The following ZFP36L1 variants were observed in gnomAD, a reference collection of about 807,000 sequenced individuals.
ZFP36L1 encodes mRNA decay activator protein ZFP36L1.
In ZFP36L1, 4 loss-of-function variants were observed where a neutral mutation model predicts 16.7. The ratio of observed to expected loss-of-function variants is 0.24; its 90% CI spans 0.12 to 0.55. ZFP36L1 has a LOEUF of 0.55. Ranked by LOEUF, ZFP36L1 falls within the 20% of genes least tolerant of loss-of-function variation. ZFP36L1 has a pLI of 0.94. For synonymous variants in ZFP36L1, 220 were observed against 190.8 expected (o/e 1.15, Z -1.26); for missense variants, 311 against 449.2 (o/e 0.69, Z 2.78).
chr14:68,792,831 A>C lies in ZFP36L1; in HGVS notation c.57+51T>G, dbSNP rs553341631. ...CCCAAACTTTTGGGGGTTCTTTCTT[A>C]AGGCAAAAGAAAAAGACTTTTTGAA... On this transcript the variant is annotated intron_variant, in intron 1 of 1. Transcript: ENST00000439696. The C allele has an allele frequency of 5.6e-6, 9 of 1,611,020 alleles. No individual in the cohort carries two copies. In the South Asian group the frequency reaches 6.6e-5, roughly 12 times the overall value.
upstream of ZFP36L1, chr14:68,793,139 T>G (rs1895151882): frequency 7.0e-7 from 1 of 1,420,610 alleles, no homozygotes; most frequent in Non-Finnish European, 9.2e-7. Flanking sequence ...AGCTTTAAAC[T>G]TATTTAAATG....
chr14:68,790,240 G>C lies in ZFP36L1; in HGVS notation c.310C>G (p.Gln104Glu). 1 of 1,612,082 alleles carries C rather than the reference G, an allele frequency of 6.2e-7. No individual in the cohort carries two copies. The highest frequency in any genetic ancestry group is 8.5e-7 in the Non-Finnish European group (1 of 1,179,874). Residue 104 changes from glutamine to glutamate, a missense_variant, in exon 2 of 2, where the codon CAG (glutamine) becomes GAG (glutamate). By Grantham distance (29) the Gln-to-Glu change is conservative. This residue lies in a region of ZFP36L1 where 137 missense variants were observed against 142.6 expected (regional missense o/e 0.96). Coordinates refer to ENST00000439696, the MANE Select transcript of ZFP36L1 (RefSeq NM_004926.4). ...GAGTTGACCTGGCCGCCCCCGGGCT[G>C]CTTCTGGGTGGGCAGCAGCCGCTCG... ...GGERLLPTQK[Q>E]PGGGQVNSSR...
In ZFP36L1 at chr14:68,792,865, G is replaced by T. The variant is rs767923504; in HGVS notation, c.57+17C>A. ...GAAAAAGACTTTTTGAAAAGCAAAT[G>T]CTCCGCCCCCCTTTACCTTGCATAA... On this transcript the variant is annotated intron_variant, in intron 1 of 1. Transcript: ENST00000439696. 6.2e-7 allele frequency: 1 copy of T among 1,614,054 alleles called. No individual in the cohort carries two copies. The highest frequency in any genetic ancestry group is 8.5e-7 in the Non-Finnish European group (1 of 1,179,950).
At chr14:68,793,218 G>C, upstream of ZFP36L1, 1 of 1,036,434 alleles carries the variant, frequency 9.6e-7, no homozygotes, top group Non-Finnish European at 1.2e-6. Context: ...GCGGGGAGGG[G>C]GGGCAGGGGG....
At chr14:68,791,356 G>A in intron 1 of ZFP36L1, 1 of 466,614 alleles carries the variant, frequency 2.1e-6, no homozygotes, top group Non-Finnish European at 3.8e-6. Flanking sequence ...CCACCTCCTA[G>A]TCAATAGCGG....
At chr14:68,791,199 C>G (rs1397484426) in intron 1 of ZFP36L1, 23 of 586,012 alleles carry the variant, frequency 3.9e-5, no homozygotes, top group Non-Finnish European at 5.2e-5. Flanking sequence ...TCCACTCAGC[C>G]CTAGCCCACC....
Position 68,790,277 on chromosome 14 carries a change from G to A in ZFP36L1, c.273C>T (p.Phe91=), listed in dbSNP as rs1323112240. Residue 91 remains phenylalanine (F), a synonymous_variant, in exon 2 of 2, where the codon TTC becomes TTT. Transcript: ENST00000439696. The part of the protein sequence containing the change: ...SRDSRFRDRS[F]SEGGERLLPT... ...GCAGCAGCCGCTCGCCCCCTTCCGA[G>A]AAGGAGCGGTCTCGGAAGCGGCTGT... 6.8e-6 allele frequency: 11 copies of A among 1,610,486 alleles called. No individual in the cohort carries two copies. Among genetic ancestry groups the A allele is most frequent in the East Asian group, 2.2e-5 (1 of 44,886 alleles).
chr14:68,792,812 CT>C, intron 1 of ZFP36L1, 69 bp downstream of exon 1: 1 of 1,596,040 alleles, frequency 6.3e-7, no homozygotes, highest in South Asian at 1.1e-5. Context: ...AAGACCCAAA[CT>C]TTTGGGGGTT....
upstream of ZFP36L1, chr14:68,795,697 CCG>C (rs987104757): frequency 1.0e-5 from 5 of 489,350 alleles, no homozygotes; most frequent in African/African-American, 9.9e-5. Flanking sequence ...CCGCTCGCTC[CCG>C]AGTTGTTTAC....
chr14:68,790,318 C>A lies in ZFP36L1; in HGVS notation c.232G>T (p.Ala78Ser). Residue 78 changes from alanine to serine, a missense_variant, in exon 2 of 2, where the codon GCT (alanine) becomes TCT (serine). By Grantham distance (99) the Ala-to-Ser change is moderately conservative (BLOSUM62 1). This residue lies in a region of ZFP36L1 where 137 missense variants were observed against 142.6 expected (regional missense o/e 0.96). Transcript: ENST00000439696. ...LSSLKGEPAP[A>S]LSSRDSRFRD... is the part of the protein sequence containing the mutation. Reference sequence around the variant, plus strand: ...AAGCGGCTGTCTCGCGAGCTCAGAGCGGGGGCTGGCTCACCCTTGAGGCTG... The same window carrying A: ...AAGCGGCTGTCTCGCGAGCTCAGAGAGGGGGCTGGCTCACCCTTGAGGCTG... 3 of 1,610,022 alleles carry A rather than the reference C, an allele frequency of 1.9e-6. No individual in the cohort carries two copies. Among genetic ancestry groups the A allele is most frequent in the Non-Finnish European group, 1.7e-6 (2 of 1,178,856 alleles).
chr14:68,792,490 C>T (rs1415935394), intron 1 of ZFP36L1, among the ~76,000 whole-genome samples: 5 of 152,288 alleles, frequency 3.3e-5, no homozygotes, highest in South Asian at 2.1e-4. Flanking sequence ...GTGGGTAATG[C>T]CGCTGGACAG....
At chr14:68,793,193 C>T (rs1895153522), upstream of ZFP36L1, 2 of 1,196,682 alleles carry the variant, frequency 1.7e-6, no homozygotes, top group Non-Finnish European at 2.1e-6. Flanking sequence ...GGAGTTGAAT[C>T]AGCCATGCGG....
rs949199733 is a variant in ZFP36L1 at position 68,789,293 on chromosome 14, A to G, written c.*240T>C. On this transcript the variant is annotated 3_prime_UTR_variant, in exon 2 of 2. Coordinates refer to ENST00000439696, the MANE Select transcript of ZFP36L1 (RefSeq NM_004926.4). The surrounding 1 kb of genome is among the most constrained non-coding windows in gnomAD (Gnocchi z 4.5). ...CTGTTATGCATGGTAAGTGGGCTATAAAATCCAGGGAGGGGGTTTCAAGCC... is the reference window on the plus strand; with the variant it reads ...CTGTTATGCATGGTAAGTGGGCTATGAAATCCAGGGAGGGGGTTTCAAGCC... 1.8e-6 allele frequency: 1 copy of G among 555,372 alleles called. No homozygotes were observed. Among genetic ancestry groups the G allele is most frequent in the Non-Finnish European group, 3.1e-6 (1 of 321,942 alleles). The allele number at this position is 555,372 out of a possible 1,614,324, so 34.4% of individuals were successfully genotyped here. A position where few individuals can be genotyped will look rare whatever the true frequency, so the allele number is the denominator to read the frequency against.
At chr14:68,795,801 G>A (rs1326444149), upstream of ZFP36L1, 1 of 535,478 alleles carries the variant, frequency 1.9e-6, no homozygotes, top group Admixed American at 1.9e-5. Flanking sequence ...ACGTCATTTC[G>A]GGGACTTTCC....
chr14:68,793,186 G>A (rs1895153238), upstream of ZFP36L1: 9 of 1,146,172 alleles, frequency 7.9e-6, 2 homozygotes, highest in South Asian at 1.6e-4. Flanking sequence ...TGACACTGGA[G>A]TTGAATCAGC....
upstream of ZFP36L1, chr14:68,793,294 A>C (rs1417928018): frequency 4.0e-5 from 42 of 1,045,366 alleles, no homozygotes; most frequent in Admixed American, 2.0e-3. Context: ...GAAAAAAAAA[A>C]CCCCACTGTG....
chr14:68,795,980 G>A (rs755470922), upstream of ZFP36L1: 3 of 1,324,960 alleles, frequency 2.3e-6, no homozygotes, highest in East Asian at 9.6e-5. Context: ...GGAAGGCCGA[G>A]GCGAGGCGTG....
intron 1 of ZFP36L1, 59 bp downstream of exon 1, chr14:68,792,823 T>G (rs1895135986): frequency 6.2e-7 from 1 of 1,611,390 alleles, no homozygotes; most frequent in African/African-American, 1.3e-5. Flanking sequence ...TTTTGGGGGT[T>G]CTTTCTTAAG....
At chr14:68,793,328 T>C, upstream of ZFP36L1, 1 of 1,010,390 alleles carries the variant, frequency 9.9e-7, no homozygotes, top group Non-Finnish European at 1.2e-6. Context: ...TTTTTTTTTT[T>C]TTTCTTTAAG....
Sources: gnomAD v4.1 joint callset for allele counts (sites outside exome capture counted in the v4.1 genomes callset) on GRCh38, gnomAD v4.1.1 for gene constraint, gnomAD v4.1.1 regional missense constraint, Gnocchi (gnomAD v3.1) non-coding constraint, MANE v1.5 for transcripts, NCBI Gene and HGNC (gene_info 2026-07-23, HGNC 2026-07-21) for gene names.